Variants in GRIK1 observed in about 807,000 individuals in gnomAD.
GRIK1 encodes the protein glutamate ionotropic receptor kainate type subunit 1.
Under a neutral mutation model 105.7 loss-of-function variants are expected in GRIK1, and 69 were observed. The observed-to-expected ratio is 0.65, with a 90% CI of 0.54 to 0.80. The LOEUF (loss-of-function observed/expected upper bound fraction) is 0.80. GRIK1 is among the 30% of genes least tolerant of loss of function. The probability of loss-of-function intolerance (pLI) is 0.00; values close to 1 mark genes in which losing one functional copy is unlikely to be tolerated. For missense variants in GRIK1, 1,109 were observed against 1,167.3 expected, an observed-to-expected ratio of 0.95 and a Z score of 0.73; for synonymous variants, 438 against 431.3, an observed-to-expected ratio of 1.02 and a Z score of -0.19.
intron 4 of GRIK1, among the ~76,000 whole-genome samples, chr21:29,666,428 T>C (rs1028504422): frequency 6.6e-6 from 1 of 151,958 alleles, no homozygotes; most frequent in African/African-American, 2.4e-5. Context: ...ATAAATAAAG[T>C]TTATTAATTA....
chr21:29,876,112 A>ATATGTGTGTGTG lies in GRIK1; in HGVS notation c.118+63270_118+63271insCACACACACATA, dbSNP rs142408189. Among the ~76,000 whole-genome samples the ATATGTGTGTGTG allele has an allele frequency of 2.1e-4, 32 of 149,090 alleles. No homozygotes were observed. In the Middle Eastern group the frequency reaches 0.01, roughly 49 times the overall value. On this transcript the variant is annotated intron_variant, in intron 1 of 17. Transcript: ENST00000327783. ...ACAATCCCAAGGGGAGGAGATAGAT[A>ATATGTGTGTGTG]TGTGTGTGTGTGTGTGTGTGTGTGT...
chr21:29,594,524 G>A (rs1568861993), intron 9 of GRIK1, among the ~76,000 whole-genome samples: 3 of 152,178 alleles, frequency 2.0e-5, no homozygotes, highest in Non-Finnish European at 4.4e-5. Context: ...CTTGTGGGGA[G>A]GAGCACTCAA....
At chr21:29,755,982 T>C (rs1424511254) in intron 1 of GRIK1, among the ~76,000 whole-genome samples, 1 of 152,234 alleles carries the variant, frequency 6.6e-6, no homozygotes, top group Non-Finnish European at 1.5e-5. Flanking sequence ...ATTAAGGTTG[T>C]CTGGCTTATA....
At chr21:29,879,213 C>T (rs968212562) in intron 1 of GRIK1, among the ~76,000 whole-genome samples, 3 of 151,954 alleles carry the variant, frequency 2.0e-5, no homozygotes, top group East Asian at 1.9e-4. Flanking sequence ...GAAACAATAG[C>T]GGGGAAGCTA....
intron 1 of GRIK1, chr21:29,760,253 G>A (rs547459058): frequency 6.6e-6 from 1 of 152,226 alleles, no homozygotes; most frequent in African/African-American, 2.4e-5. Context: ...ACATGCTCTT[G>A]TTTGTGGCCT....
At chr21:29,560,374 TTCCTTCCTTCCTTC>T (rs2090399501) in intron 15 of GRIK1, among the ~76,000 whole-genome samples, 1 of 54,838 alleles carries the variant, frequency 1.8e-5, no homozygotes, top group African/African-American at 9.1e-5. Context: ...TCTTCCTTCC[TTCCTTCCTTCCTTC>T]CTTCCTTCCT....
intron 1 of GRIK1, among the ~76,000 whole-genome samples, chr21:29,822,028 T>G (rs2067320203): frequency 1.3e-5 from 2 of 152,086 alleles, no homozygotes; most frequent in Admixed American, 1.3e-4. Context: ...AAAGGTCAAC[T>G]GTACATGTAT....
At chr21:29,616,796 A>G (rs1320871898) in intron 7 of GRIK1, among the ~76,000 whole-genome samples, 1 of 152,260 alleles carries the variant, frequency 6.6e-6, no homozygotes, top group East Asian at 1.9e-4. Flanking sequence ...AAACTGCTTG[A>G]TGCCATACTT....
At chr21:29,819,793 G>T (rs574796115) in intron 1 of GRIK1, among the ~76,000 whole-genome samples, 7 of 152,096 alleles carry the variant, frequency 4.6e-5, no homozygotes, top group African/African-American at 1.7e-4. Flanking sequence ...GAGCAAGCAA[G>T]GTCAAGGGAT....
intron 3 of GRIK1, among the ~76,000 whole-genome samples, chr21:29,673,757 A>AT (rs1386756210): frequency 1.3e-5 from 2 of 152,150 alleles, no homozygotes; most frequent in Non-Finnish European, 2.9e-5. Flanking sequence ...ATCCTACTTG[A>AT]TTTTTTAAAA....
chr21:29,902,308 A>T (rs1399781369), intron 1 of GRIK1, among the ~76,000 whole-genome samples: 2 of 152,204 alleles, frequency 1.3e-5, no homozygotes, highest in East Asian at 3.8e-4. Flanking sequence ...GCAATCAGGC[A>T]AGAGAAAGCA....
chr21:29,908,022 G>A (rs1602014349), intron 1 of GRIK1, among the ~76,000 whole-genome samples: 1 of 152,086 alleles, frequency 6.6e-6, no homozygotes, highest in East Asian at 1.9e-4. Context: ...ACAAGTTCAA[G>A]CAAGTGGTCC....
rs544820046 is a variant in GRIK1 at position 29,781,081 on chromosome 21, A to C, written c.119-87018T>G. ...ACTCCCAGGGGTGACATAGGTGAGC[A>C]TTAAAATGCTCATTTTAATGAGTAT... On this transcript the variant is annotated intron_variant, in intron 1 of 17. Transcript: ENST00000327783. 3.9e-3 allele frequency among the ~76,000 whole-genome samples: 599 copies of C among 152,308 alleles called. 6 individuals carry two copies. Among genetic ancestry groups the C allele is most frequent in the South Asian group, 5.6e-3 (27 of 4,824 alleles).
At chr21:29,833,586 A>G (rs181024309) in intron 1 of GRIK1, among the ~76,000 whole-genome samples, 10 of 152,310 alleles carry the variant, frequency 6.6e-5, no homozygotes, top group Admixed American at 4.6e-4. Flanking sequence ...AAAGAGATGG[A>G]GGGTAGGTGC....
intron 7 of GRIK1, among the ~76,000 whole-genome samples, chr21:29,614,784 G>A (rs2061808965): frequency 6.6e-6 from 1 of 151,280 alleles, no homozygotes; most frequent in Non-Finnish European, 1.5e-5. Context: ...GCCATGTTCT[G>A]CCCCAATAGC....
At chr21:29,726,790 A>G (rs1283730435) in intron 1 of GRIK1, among the ~76,000 whole-genome samples, 1 of 151,840 alleles carries the variant, frequency 6.6e-6, no homozygotes, top group East Asian at 1.9e-4. Context: ...GTAGACACAT[A>G]TATAGGTATA....
In GRIK1 at chr21:29,939,455, C is replaced by T. The variant is rs757670301; in HGVS notation, c.46G>A (p.Asp16Asn). Reference protein sequence around the residue: ...LLAQPGLWTRDTSWALLYFLC... With the variant: ...LLAQPGLWTRNTSWALLYFLC... ...AAATAGAGGAGTGCCCAGCTGGTGT[C>T]CCTGGTCCAGAGCCCGGGCTGGGCG... is the stretch of plus-strand genomic sequence containing the variant. Residue 16 changes from aspartate (D) to asparagine (N), a missense_variant, in exon 1 of 18, where the codon GAC becomes AAC. By Grantham distance (23) the Asp-to-Asn change is conservative. Coordinates refer to ENST00000327783, the MANE Select transcript of GRIK1 (RefSeq NM_001330994.2). 5 of 1,601,566 alleles carry T rather than the reference C, an allele frequency of 3.1e-6. No individual in the cohort carries two copies. Among genetic ancestry groups the T allele is most frequent in the Middle Eastern group, 1.7e-4 (1 of 6,022 alleles).
At chr21:29,900,444 C>A (rs1314139924) in intron 1 of GRIK1, among the ~76,000 whole-genome samples, 1 of 109,302 alleles carries the variant, frequency 9.1e-6, no homozygotes. Flanking sequence ...GAAGATCTAC[C>A]AAACAAATGG....
chr21:29,613,660 A>G (rs966541178), intron 7 of GRIK1, among the ~76,000 whole-genome samples: 2 of 152,214 alleles, frequency 1.3e-5, no homozygotes, highest in African/African-American at 4.8e-5. Context: ...TAACACTAAT[A>G]AAAGTCTTAT....
Sources: allele counts gnomAD v4.1 joint callset (sites outside exome capture counted in the v4.1 genomes callset), GRCh38; gene constraint gnomAD v4.1.1; transcripts MANE v1.5; gene names NCBI Gene and HGNC (gene_info 2026-07-23, HGNC 2026-07-21).